Variants in TRIM24 observed in about 807,000 individuals in gnomAD.
The protein encoded by TRIM24 is tripartite motif containing 24, also known as transcription intermediary factor 1-alpha.
TRIM24 carries 29 observed loss-of-function variants against 123.9 expected under a neutral mutation model. The ratio of observed to expected loss-of-function variants is 0.23; its 90% CI spans 0.17 to 0.32. TRIM24 has a LOEUF of 0.32. TRIM24 is among the 10% of genes least tolerant of loss of function. TRIM24 has a pLI of 1.00. For missense variants in TRIM24, 932 were observed against 1,295.3 expected (o/e 0.72, Z 4.31); for synonymous variants, 456 against 461.1 (o/e 0.99, Z 0.14).
At chr7:138,545,704 AAG>A (rs1797088318) in intron 7 of TRIM24, among the ~76,000 whole-genome samples, 1 of 152,174 alleles carries the variant, frequency 6.6e-6, no homozygotes, top group Admixed American at 6.5e-5. Flanking sequence ...ATACCAAAGA[AAG>A]GGGGGGAAAG....
chr7:138,589,910 A>C lies in TRIM24; in HGVS notation c.*4959A>C, dbSNP rs1798076704. 6.6e-6 allele frequency: 1 copy of C among 152,202 alleles called. No homozygotes were observed. The highest frequency in any genetic ancestry group is 2.4e-5 in the African/African-American group (1 of 41,436). The allele number at this position is 152,202 out of a possible 1,614,324, so 9.4% of individuals were successfully genotyped here. ...AACCTATTTGCTTCCTTAATTTTCA[A>C]ATTAAGTCCTAATTTGAGTCCTAAA... On this transcript the variant is annotated 3_prime_UTR_variant, in exon 19 of 19. Transcript: ENST00000343526.
intron 2 of TRIM24, among the ~76,000 whole-genome samples, chr7:138,508,698 C>T (rs6964350): frequency 0.015 from 469 of 30,368 alleles, 8 homozygotes; most frequent in East Asian, 0.031. Flanking sequence ...TGTGTGCGCG[C>T]GCGTGTGTGC....
chr7:138,578,107 A>G (rs1053720440), intron 14 of TRIM24, among the ~76,000 whole-genome samples: 4 of 152,202 alleles, frequency 2.6e-5, no homozygotes, highest in African/African-American at 9.7e-5. Context: ...AAAATGCTTC[A>G]ACAGTATTGA....
intron 12 of TRIM24, 84 bp downstream of exon 12, chr7:138,573,726 T>C (rs1797701969): frequency 6.6e-6 from 9 of 1,367,210 alleles, no homozygotes; most frequent in Non-Finnish European, 8.0e-6. Context: ...TCTTCTCCTT[T>C]TTTGTTGAAT....
Position 138,519,280 on chromosome 7 carries a change from G to T in TRIM24, c.723G>T (p.Leu241=). ...LKLYCETCDK[L]TCRDCQLLEH... Reference sequence around the variant, plus strand: ...TGTACTGTGAGACATGTGACAAACTGACATGTCGAGACTGTCAGTTGTTAG... The same window carrying T: ...TGTACTGTGAGACATGTGACAAACTTACATGTCGAGACTGTCAGTTGTTAG... Residue 241 remains leucine, a synonymous_variant, in exon 4 of 19, where the codon CTG becomes CTT. Transcript: ENST00000343526. 1.2e-6 allele frequency: 2 copies of T among 1,613,276 alleles called. No individual in the cohort carries two copies. The highest frequency in any genetic ancestry group is 2.2e-5 in the South Asian group (2 of 90,838).
intron 7 of TRIM24, among the ~76,000 whole-genome samples, chr7:138,544,625 C>T (rs964956988): frequency 2.0e-5 from 3 of 152,190 alleles, no homozygotes; most frequent in Non-Finnish European, 2.9e-5. Context: ...TCTGCATTCC[C>T]ACCTAAAGTG....
chr7:138,516,677 T>A (rs1336079928), intron 3 of TRIM24, among the ~76,000 whole-genome samples: 1 of 152,228 alleles, frequency 6.6e-6, no homozygotes, highest in Admixed American at 6.5e-5. Flanking sequence ...CTCTATAAAT[T>A]TGCTGATTCT....
chr7:138,557,655 AC>A (rs1338200383), intron 9 of TRIM24, among the ~76,000 whole-genome samples: 1 of 152,142 alleles, frequency 6.6e-6, no homozygotes, highest in Non-Finnish European at 1.5e-5. Context: ...ATCTTCAATG[AC>A]CTTTCCATTG....
rs1055753394 is a variant in TRIM24 at position 138,461,188 on chromosome 7, A to G, written c.364+276A>G. On this transcript the variant is annotated intron_variant, in intron 1 of 18. Transcript: ENST00000343526. Reference sequence around the variant, plus strand: ...TCTCAACAGCCGGGCGGCCCCTGCCACTCGCACTTTTGCAGACCTCTGTCG... The same window carrying G: ...TCTCAACAGCCGGGCGGCCCCTGCCGCTCGCACTTTTGCAGACCTCTGTCG... 1.4e-5 allele frequency: 10 copies of G among 691,016 alleles called. No homozygotes were observed. In the African/African-American group the frequency reaches 1.6e-4, roughly 11 times the overall value. 42.8% of individuals were successfully genotyped at this position (691,016 alleles called of 1,614,324 possible).
intron 8 of TRIM24, among the ~76,000 whole-genome samples, chr7:138,552,165 A>C (rs1413567385): frequency 6.6e-6 from 1 of 152,206 alleles, no homozygotes; most frequent in Non-Finnish European, 1.5e-5. Context: ...TCTACCTAGC[A>C]ATAAGCTATG....
Position 138,554,099 on chromosome 7 carries a change from G to A in TRIM24, c.1262-599G>A, listed in dbSNP as rs7811152. On this transcript the variant is annotated intron_variant, in intron 8 of 18. Transcript: ENST00000343526. This position sits in a 1 kb window ranked among gnomAD's most constrained non-coding sequence, Gnocchi z 4.5. ...CCTGGATTCCACAGGCTGAGCTGGG[G>A]GTTCAGATATTCTTCATTGATAAAG... 0.45 allele frequency among the ~76,000 whole-genome samples: 67,617 copies of A among 151,924 alleles called. 15,891 individuals carry two copies. Among genetic ancestry groups the A allele is most frequent in the African/African-American group, 0.51 (20,968 of 41,386 alleles).
chr7:138,521,810 T>A (rs915795524), intron 4 of TRIM24, among the ~76,000 whole-genome samples: 3 of 152,172 alleles, frequency 2.0e-5, no homozygotes, highest in Non-Finnish European at 4.4e-5. Flanking sequence ...AAATCCATTA[T>A]TTGAGGTAAA....
chr7:138,585,834 G>C lies in TRIM24; in HGVS notation c.*883G>C. On this transcript the variant is annotated 3_prime_UTR_variant, in exon 19 of 19. Transcript: ENST00000343526. ...CTACCCAAAATATAAATACAGCAGC[G>C]TGCACTGTATTTGATGTGAGGGTTC... 2 of 519,404 alleles carry C rather than the reference G, an allele frequency of 3.9e-6. No homozygotes were observed. Among genetic ancestry groups the C allele is most frequent in the South Asian group, 1.4e-5 (1 of 71,564 alleles). The allele number at this position is 519,404 out of a possible 1,614,324, so 32.2% of individuals were successfully genotyped here.
rs117610779 is a variant in TRIM24, at chr7:138,543,614, A to C, written c.1143+4811A>C. 9.1e-3 allele frequency among the ~76,000 whole-genome samples: 1,390 copies of C among 152,282 alleles called. 10 individuals carry two copies. Among genetic ancestry groups the C allele is most frequent in the Middle Eastern group, 0.017 (5 of 294 alleles). ...TCAAGCTTGGCTTGCTATTTTAAAA[A>C]ATTTATTTATATTTTACTATATATT... On this transcript the variant is annotated intron_variant, in intron 7 of 18. Coordinates refer to ENST00000343526, the MANE Select transcript of TRIM24 (RefSeq NM_015905.3).
chr7:138,572,802 C>CTAAAG (rs1242840658), intron 11 of TRIM24, among the ~76,000 whole-genome samples: 4 of 152,118 alleles, frequency 2.6e-5, no homozygotes, highest in African/African-American at 4.8e-5. Context: ...ATTTTTGTGT[C>CTAAAG]TAAAGTATTA....
chr7:138,471,195 G>A (rs959570940), intron 1 of TRIM24, among the ~76,000 whole-genome samples: 3 of 152,170 alleles, frequency 2.0e-5, no homozygotes, highest in African/African-American at 4.8e-5. Context: ...ATAGTGTGAA[G>A]CTATCTTGAT....
At chr7:138,477,060 TG>T in intron 1 of TRIM24, among the ~76,000 whole-genome samples, 1 of 5,158 alleles carries the variant, frequency 1.9e-4, no homozygotes, top group Non-Finnish European at 6.6e-4. Flanking sequence ...TTTGTGTCTC[TG>T]TGTGTGTGTG....
intron 1 of TRIM24, among the ~76,000 whole-genome samples, chr7:138,461,973 C>T (rs944173165): frequency 6.6e-6 from 1 of 152,172 alleles, no homozygotes; most frequent in African/African-American, 2.4e-5. Flanking sequence ...GCAGTATCCA[C>T]TTGTAGGAGA....
intron 1 of TRIM24, among the ~76,000 whole-genome samples, chr7:138,484,342 C>T (rs1250824263): frequency 6.6e-6 from 1 of 151,820 alleles, no homozygotes; most frequent in Non-Finnish European, 1.5e-5. Flanking sequence ...CTCTTACCCT[C>T]AGGTGATCCA....
Sources: gnomAD v4.1 joint callset for allele counts (sites outside exome capture counted in the v4.1 genomes callset) on GRCh38, gnomAD v4.1.1 for gene constraint, Gnocchi (gnomAD v3.1) non-coding constraint, MANE v1.5 for transcripts, NCBI Gene and HGNC (gene_info 2026-07-23, HGNC 2026-07-21) for gene names.